The following SH3KBP1 variants were observed in gnomAD, a reference collection of about 807,000 sequenced individuals.
SH3KBP1 encodes SH3 domain containing kinase binding protein 1.
Under a neutral mutation model 50.1 loss-of-function variants are expected in SH3KBP1, and 8 were observed. That is an observed-to-expected ratio of 0.16 (90% CI 0.09 to 0.29). The LOEUF (loss-of-function observed/expected upper bound fraction) is 0.29. SH3KBP1 is among the 10% of genes least tolerant of loss of function. SH3KBP1 has a pLI of 1.00. For synonymous variants in SH3KBP1, 227 were observed against 218.6 expected, an observed-to-expected ratio of 1.04 and a Z score of -0.34; for missense variants, 377 against 535.2, an observed-to-expected ratio of 0.70 and a Z score of 2.92.
intron 11 of SH3KBP1, among the ~76,000 whole-genome samples, chrX:19,589,051 C>T (rs1379104674): frequency 1.8e-5 from 2 of 111,904 alleles, no homozygotes; most frequent in Non-Finnish European, 3.8e-5. Context: ...TGGCCACCGC[C>T]CACCTTCAGC....
chrX:19,710,645 A>G (rs2063756019), intron 3 of SH3KBP1, among the ~76,000 whole-genome samples: 1 of 111,617 alleles, frequency 9.0e-6, no homozygotes, highest in East Asian at 2.8e-4. Context: ...CCTGCGCTTA[A>G]TTTATAAATT....
intron 9 of SH3KBP1, among the ~76,000 whole-genome samples, chrX:19,598,346 C>T (rs2066974947): frequency 9.0e-6 from 1 of 111,003 alleles, no homozygotes; most frequent in Admixed American, 9.6e-5. Context: ...CCCATCTTGG[C>T]CTTCCAAAGT....
intron 12 of SH3KBP1, among the ~76,000 whole-genome samples, chrX:19,576,564 T>G (rs990331557): frequency 9.0e-6 from 1 of 111,586 alleles, no homozygotes; most frequent in Non-Finnish European, 1.9e-5. Flanking sequence ...CTCAGTCTCC[T>G]GTGTAGCTGG....
chrX:19,690,218 G>A (rs138013178), intron 5 of SH3KBP1, among the ~76,000 whole-genome samples: 61 of 109,997 alleles, frequency 5.5e-4, no homozygotes, highest in African/African-American at 1.8e-3. Flanking sequence ...TGCCACCATA[G>A]CTAGCTAATT....
Position 19,683,001 on chromosome X carries a change from A to C in SH3KBP1, c.726+822T>G, listed in dbSNP as rs770407569. ...CCCGTCCCCCAAATCTGCTGGCACA[A>C]ATGTCAAAGCAAAAATTTCAGCACT... is the stretch of plus-strand genomic sequence containing the variant. On this transcript the variant is annotated intron_variant, in intron 6 of 17. Transcript: ENST00000397821. 1.2e-4 allele frequency among the ~76,000 whole-genome samples: 13 copies of C among 111,926 alleles called. No homozygotes were observed. The East Asian group carries it at 3.6e-3, about 31-fold the overall frequency.
chrX:19,554,433 G>C (rs1292231637), intron 13 of SH3KBP1, among the ~76,000 whole-genome samples: 1 of 81,353 alleles, frequency 1.2e-5, no homozygotes, highest in Non-Finnish European at 2.2e-5. Context: ...ACAGAGTCTT[G>C]CTCTGTCCCT....
At chrX:19,676,877 G>A (rs1245525550) in intron 6 of SH3KBP1, among the ~76,000 whole-genome samples, 2 of 112,019 alleles carry the variant, frequency 1.8e-5, no homozygotes, top group African/African-American at 3.2e-5. Context: ...CAAACACAAC[G>A]CCTTGTAGAA....
At chrX:19,599,783 C>T (rs1405142892) in intron 9 of SH3KBP1, among the ~76,000 whole-genome samples, 7 of 111,394 alleles carry the variant, frequency 6.3e-5, no homozygotes, top group East Asian at 2.8e-4. Flanking sequence ...GGGTTCTATG[C>T]GGCTGTAGAC....
intron 1 of SH3KBP1, among the ~76,000 whole-genome samples, chrX:19,873,810 A>G (rs1327429597): frequency 9.2e-6 from 1 of 108,946 alleles, no homozygotes; most frequent in Non-Finnish European, 1.9e-5. Flanking sequence ...GCACTTTGGG[A>G]GGCTGAGGTG....
chrX:19,746,173 T>C (rs2148819318), intron 3 of SH3KBP1, 145 bp downstream of exon 3: 1 of 587,005 alleles, frequency 1.7e-6, no homozygotes, highest in East Asian at 3.3e-5. Context: ...GCCAAGTATG[T>C]ATGTGTGTAT....
intron 3 of SH3KBP1, among the ~76,000 whole-genome samples, chrX:19,719,202 C>T (rs1320265981): frequency 9.0e-6 from 1 of 111,296 alleles, no homozygotes; most frequent in African/African-American, 3.3e-5. Flanking sequence ...CTCTTTCACG[C>T]ACATCTGTAT....
intron 1 of SH3KBP1, among the ~76,000 whole-genome samples, chrX:19,845,801 G>T (rs938721500): frequency 1.8e-4 from 20 of 109,614 alleles, no homozygotes; most frequent in African/African-American, 6.7e-4. Context: ...AGTAGAACGG[G>T]GTTTCGCCAT....
chrX:19,871,649 T>C (rs2069043922), intron 1 of SH3KBP1, among the ~76,000 whole-genome samples: 1 of 111,916 alleles, frequency 8.9e-6, no homozygotes, highest in African/African-American at 3.3e-5. Flanking sequence ...TGTCCATTAC[T>C]GAAAGTGATG....
chrX:19,874,068 A>AAAAAAAAAATATATATATATATATAT (rs1491537486), intron 1 of SH3KBP1, among the ~76,000 whole-genome samples: 1 of 57,045 alleles, frequency 1.8e-5, no homozygotes, highest in African/African-American at 1.6e-4. Flanking sequence ...AAAAAAAAAA[A>AAAAAAAAAATATATATATATATATAT]ATATATATAT....
chrX:19,671,977 C>G (rs774216851), intron 6 of SH3KBP1, among the ~76,000 whole-genome samples: 9 of 111,485 alleles, frequency 8.1e-5, no homozygotes, highest in Non-Finnish European at 1.5e-4. Context: ...ATTTAAAAAC[C>G]ATTTGCTTAC....
intron 12 of SH3KBP1, among the ~76,000 whole-genome samples, chrX:19,584,157 A>G (rs935059836): frequency 1.5e-3 from 136 of 93,570 alleles, no homozygotes; most frequent in African/African-American, 5.0e-3. Flanking sequence ...TATATATAAT[A>G]TATTTATATA....
chrX:19,807,780 T>G (rs1424148324), intron 2 of SH3KBP1, among the ~76,000 whole-genome samples: 1 of 112,300 alleles, frequency 8.9e-6, no homozygotes, highest in Admixed American at 9.5e-5. Flanking sequence ...GTTTTGATCG[T>G]TGCAGCAGCT....
At chrX:19,739,388 G>A (rs1315452793) in intron 3 of SH3KBP1, among the ~76,000 whole-genome samples, 2 of 111,339 alleles carry the variant, frequency 1.8e-5, no homozygotes, top group Non-Finnish European at 3.8e-5. Flanking sequence ...AAACAACATT[G>A]GTAATAAAAT....
chrX:19,844,921 T>A (rs1268943456), intron 1 of SH3KBP1, among the ~76,000 whole-genome samples: 1 of 109,722 alleles, frequency 9.1e-6, no homozygotes, highest in Non-Finnish European at 1.9e-5. Flanking sequence ...CTACTAAAAA[T>A]ACAAAAAAAT....
Sources: allele counts gnomAD v4.1 joint callset (sites outside exome capture counted in the v4.1 genomes callset), GRCh38; gene constraint gnomAD v4.1.1; transcripts MANE v1.5; gene names NCBI Gene and HGNC (gene_info 2026-07-23, HGNC 2026-07-21).